CDK8: variants seen among roughly 807,000 people sequenced by gnomAD.
CDK8 encodes the protein cyclin-dependent kinase 8.
Under a neutral mutation model 71.5 loss-of-function variants are expected in CDK8, and 29 were observed. The ratio of observed to expected loss-of-function variants is 0.41; its 90% CI spans 0.30 to 0.55. The LOEUF is 0.55. CDK8 is among the 20% of genes least tolerant of loss of function. CDK8 has a pLI of 0.37. For synonymous variants in CDK8, 161 were observed against 192.1 expected, an observed-to-expected ratio of 0.84 and a Z score of 1.34; for missense variants, 288 against 572.6, an observed-to-expected ratio of 0.50 and a Z score of 5.07.
Position 26,361,783 on chromosome 13 carries a change from C to CTTT in CDK8, c.456+7903_456+7904insTTT, listed in dbSNP as rs1201582663. On this transcript the variant is annotated intron_variant, in intron 4 of 12. Coordinates refer to ENST00000381527, the MANE Select transcript of CDK8 (RefSeq NM_001260.3). The stretch of plus-strand genomic sequence containing the variant: ...TTCTTTTTGTCTTTCTTTTCTTTTC[C>CTTT]CTTTTTTTTTTTTTTTTTTTTTTTT... Among the ~76,000 whole-genome samples the CTTT allele has an allele frequency of 2.5e-3, 282 of 112,184 alleles. 1 individual carries two copies. Among genetic ancestry groups the CTTT allele is most frequent in the Non-Finnish European group, 4.0e-3 (231 of 57,294 alleles). The allele number at this position is 112,184 out of a possible 152,430, so 73.6% of individuals were successfully genotyped here.
At chr13:26,262,336 T>G (rs1030212956) in intron 1 of CDK8, among the ~76,000 whole-genome samples, 1 of 152,246 alleles carries the variant, frequency 6.6e-6, no homozygotes, top group African/African-American at 2.4e-5. Context: ...GATTGTGTTC[T>G]CCCCAGCTCT....
At chr13:26,277,014 A>AC (rs1872583590) in intron 1 of CDK8, among the ~76,000 whole-genome samples, 1 of 152,232 alleles carries the variant, frequency 6.6e-6, no homozygotes, top group Non-Finnish European at 1.5e-5. Context: ...CACAACTGCC[A>AC]GTGGTAAACA....
chr13:26,364,607 A>C (rs1874298417), intron 4 of CDK8, among the ~76,000 whole-genome samples: 1 of 152,178 alleles, frequency 6.6e-6, no homozygotes, highest in South Asian at 2.1e-4. Context: ...TGTAGTTAAC[A>C]TACCTTATTG....
chr13:26,254,599 C>G lies in CDK8; in HGVS notation c.-43C>G. The G allele has an allele frequency of 1.3e-6, 2 of 1,498,766 alleles. No individual in the cohort carries two copies. The highest frequency in any genetic ancestry group is 2.4e-5 in the East Asian group (1 of 41,552). The allele number at this position is 1,498,766 out of a possible 1,614,324, so 92.8% of individuals were successfully genotyped here. ...GCTTCCCCGGTCCCCACCCCTGCCC[C>G]CCGGCCCCCCGACCCAGCTCTCCGG... On this transcript the variant is annotated 5_prime_UTR_variant, in exon 1 of 13. Transcript: ENST00000381527. The surrounding 1 kb of genome is among the most constrained non-coding windows in gnomAD (Gnocchi z 6.7).
intron 4 of CDK8, among the ~76,000 whole-genome samples, chr13:26,362,586 C>T (rs566549844): frequency 2.0e-5 from 3 of 152,234 alleles, no homozygotes; most frequent in South Asian, 4.2e-4. Context: ...TTTCCTCTGC[C>T]TTTTTGTTCC....
At chr13:26,321,750 T>G (rs1874785274) in intron 1 of CDK8, among the ~76,000 whole-genome samples, 1 of 152,098 alleles carries the variant, frequency 6.6e-6, no homozygotes, top group Non-Finnish European at 1.5e-5. Flanking sequence ...TTCTCTTCTA[T>G]ATATACATGT....
In CDK8 at chr13:26,301,778, A is replaced by G. The variant is rs1331128258; in HGVS notation, c.129-35789A>G. On this transcript the variant is annotated intron_variant, in intron 1 of 12. Coordinates refer to ENST00000381527, the MANE Select transcript of CDK8 (RefSeq NM_001260.3). ...TTTATTCCAATTCCCTTCCTTGATG[A>G]TGGTATTTAAGAGCGTCTTCATCAA... Among the ~76,000 whole-genome samples, 3 of 152,222 alleles carry G rather than the reference A, an allele frequency of 2.0e-5. No homozygotes were observed. In the East Asian group the frequency reaches 5.8e-4, roughly 29 times the overall value.
At chr13:26,326,258 A>G (rs761886966) in intron 1 of CDK8, among the ~76,000 whole-genome samples, 3 of 152,216 alleles carry the variant, frequency 2.0e-5, no homozygotes, top group Non-Finnish European at 4.4e-5. Flanking sequence ...AGTGGCTACA[A>G]TCTCAACCAT....
At chr13:26,347,660 A>G (rs1017959248) in intron 2 of CDK8, among the ~76,000 whole-genome samples, 1 of 152,190 alleles carries the variant, frequency 6.6e-6, no homozygotes, top group African/African-American at 2.4e-5. Context: ...ACGATCTACA[A>G]ATGGTCAGTA....
intron 4 of CDK8, among the ~76,000 whole-genome samples, chr13:26,375,782 A>T (rs1874917754): frequency 6.6e-6 from 1 of 152,256 alleles, no homozygotes; most frequent in South Asian, 2.1e-4. Flanking sequence ...TTTATAGGAG[A>T]TACTATTACA....
Position 26,401,367 on chromosome 13 carries a change from T to C in CDK8, c.1110+20T>C. The C allele has an allele frequency of 1.9e-6, 3 of 1,612,070 alleles. No homozygotes were observed. Among genetic ancestry groups the C allele is most frequent in the Non-Finnish European group, 2.5e-6 (3 of 1,178,210 alleles). On this transcript the variant is annotated intron_variant, in intron 11 of 12. Coordinates refer to ENST00000381527, the MANE Select transcript of CDK8 (RefSeq NM_001260.3). The surrounding 1 kb of genome is among the most constrained non-coding windows in gnomAD (Gnocchi z 4.5). ...GACAAAGTAAGTATTAAAGTACTGT[T>C]AGCAGCTTCTTGTTTCGTGAATGCC...
At chr13:26,278,369 A>G (rs1872628880) in intron 1 of CDK8, among the ~76,000 whole-genome samples, 1 of 152,202 alleles carries the variant, frequency 6.6e-6, no homozygotes, top group Non-Finnish European at 1.5e-5. Context: ...AATGGTCATG[A>G]AAGAAATATA....
intron 1 of CDK8, among the ~76,000 whole-genome samples, chr13:26,293,365 G>A (rs990959243): frequency 6.6e-6 from 1 of 151,944 alleles, no homozygotes; most frequent in East Asian, 1.9e-4. Flanking sequence ...CACTTTGGGC[G>A]GCCAAGGCGG....
chr13:26,277,274 T>C (rs1872593144), intron 1 of CDK8, among the ~76,000 whole-genome samples: 1 of 152,154 alleles, frequency 6.6e-6, no homozygotes, highest in Admixed American at 6.5e-5. Context: ...TAGTACAGGG[T>C]AAATAGTAAG....
chr13:26,287,790 A>G (rs1283632837), intron 1 of CDK8, among the ~76,000 whole-genome samples: 2 of 152,188 alleles, frequency 1.3e-5, no homozygotes, highest in Admixed American at 6.5e-5. Context: ...CAAAAGTAAT[A>G]ATACCATATG....
intron 12 of CDK8, among the ~76,000 whole-genome samples, chr13:26,403,532 C>G (rs191217439): frequency 1.3e-5 from 2 of 152,232 alleles, no homozygotes; most frequent in Admixed American, 1.3e-4. Context: ...CTTCTCCTAT[C>G]ATACTCACTT....
At chr13:26,283,952 A>G (rs1238677384) in intron 1 of CDK8, among the ~76,000 whole-genome samples, 1 of 152,082 alleles carries the variant, frequency 6.6e-6, no homozygotes, top group Non-Finnish European at 1.5e-5. Context: ...TTCTCAGACC[A>G]CAGTGGAATA....
chr13:26,288,129 A>AT (rs746487952), intron 1 of CDK8, among the ~76,000 whole-genome samples: 11 of 151,790 alleles, frequency 7.2e-5, no homozygotes, highest in Non-Finnish European at 1.5e-4. Flanking sequence ...TGCCCGGCTA[A>AT]TTTTTTGTAT....
intron 1 of CDK8, among the ~76,000 whole-genome samples, chr13:26,256,290 CAT>C (rs1370508393): frequency 6.6e-6 from 1 of 152,098 alleles, no homozygotes; most frequent in African/African-American, 2.4e-5. Flanking sequence ...TCTGTAATGA[CAT>C]ATATTTTTAA....
Sources: allele counts gnomAD v4.1 joint callset (sites outside exome capture counted in the v4.1 genomes callset), GRCh38; gene constraint gnomAD v4.1.1; non-coding constraint Gnocchi (gnomAD v3.1); transcripts MANE v1.5; gene names NCBI Gene and HGNC (gene_info 2026-07-23, HGNC 2026-07-21).